The following NOS1 variants were observed in gnomAD, a reference collection of about 807,000 sequenced individuals.
The protein encoded by NOS1 is nitric oxide synthase 1.
Under a neutral mutation model 164.5 loss-of-function variants are expected in NOS1, and 51 were observed. That is an observed-to-expected ratio of 0.31 (90% CI 0.25 to 0.39). The LOEUF (loss-of-function observed/expected upper bound fraction) is 0.39. Ranked by LOEUF, NOS1 falls within the 10% of genes least tolerant of loss-of-function variation. NOS1 has a pLI of 1.00. For missense variants in NOS1, 1,362 were observed against 1,885.6 expected (o/e 0.72, Z 5.14); for synonymous variants, 719 against 745.8 (o/e 0.96, Z 0.59).
intron 11 of NOS1, among the ~76,000 whole-genome samples, chr12:117,267,028 T>G (rs907065891): frequency 6.6e-6 from 1 of 152,126 alleles, no homozygotes; most frequent in East Asian, 1.9e-4. Context: ...GTGCACCCAC[T>G]CCATCCACAT....
intron 11 of NOS1, 83 bp from the exon 12 acceptor site, chr12:117,265,593 C>T (rs1592967009): frequency 1.9e-6 from 2 of 1,070,294 alleles, no homozygotes; most frequent in East Asian, 2.8e-5. Context: ...AGCAGCATTT[C>T]CCAAAGGGTG....
intron 10 of NOS1, among the ~76,000 whole-genome samples, chr12:117,269,972 C>A (rs372365636): frequency 1.3e-5 from 2 of 152,182 alleles, no homozygotes; most frequent in Non-Finnish European, 2.9e-5. Flanking sequence ...ACTTGTCCAA[C>A]GTCCACAGAA....
At position 117,212,513 on chromosome 12, in the gene NOS1, T is replaced by C. The variant is rs568849578; in HGVS notation, c.*2796A>G. ...CACGACACAAGCTGTGGGAACTGGATGCATAGTGATGGCAGGTGAGCATGA... is the reference window on the plus strand; with the variant it reads ...CACGACACAAGCTGTGGGAACTGGACGCATAGTGATGGCAGGTGAGCATGA... On this transcript the variant is annotated 3_prime_UTR_variant, in exon 29 of 29. Transcript: ENST00000317775. The C allele has an allele frequency of 1.8e-5, 18 of 985,420 alleles. No homozygotes were observed. In the Admixed American group the frequency reaches 2.5e-4, roughly 13 times the overall value. 61.0% of individuals were successfully genotyped at this position (985,420 alleles called of 1,614,324 possible). A position where few individuals can be genotyped will look rare whatever the true frequency, so the allele number is the denominator to read the frequency against.
intron 17 of NOS1, among the ~76,000 whole-genome samples, chr12:117,247,966 GA>G (rs914082193): frequency 6.9e-6 from 1 of 145,972 alleles, no homozygotes; most frequent in Non-Finnish European, 1.5e-5. Flanking sequence ...AAAAAGAAAA[GA>G]AAAAGAAAAG....
At chr12:117,303,288 A>G (rs1053877384) in intron 3 of NOS1, among the ~76,000 whole-genome samples, 1 of 152,186 alleles carries the variant, frequency 6.6e-6, no homozygotes, top group Non-Finnish European at 1.5e-5. Context: ...ACGGCCCGCA[A>G]GCCTGTCCCC....
chr12:117,351,495 A>T (rs189210076), intron 1 of NOS1, among the ~76,000 whole-genome samples: 1 of 152,284 alleles, frequency 6.6e-6, no homozygotes, highest in Admixed American at 6.5e-5. Flanking sequence ...AATTACTTGG[A>T]AATCCCAGCT....
intron 3 of NOS1, among the ~76,000 whole-genome samples, chr12:117,299,678 C>G (rs1431916812): frequency 4.0e-5 from 2 of 49,920 alleles, no homozygotes; most frequent in Non-Finnish European, 9.4e-5. Context: ...ATTGCTTACT[C>G]TGCCTCTCTC....
chr12:117,257,176 T>A (rs546505645), intron 16 of NOS1, among the ~76,000 whole-genome samples: 1 of 152,262 alleles, frequency 6.6e-6, no homozygotes, highest in East Asian at 1.9e-4. Flanking sequence ...CTCAAGCCCC[T>A]GAGCTCAAGT....
In NOS1 at chr12:117,210,138, AAT is replaced by A. The variant is rs1491575877; in HGVS notation, c.*5169_*5170del. On this transcript the variant is annotated 3_prime_UTR_variant, in exon 29 of 29. Coordinates refer to ENST00000317775, the MANE Select transcript of NOS1 (RefSeq NM_000620.5). ...CAGGAGCATGCCATCATGCCCAGCTAATTTTTTTTTTTTTTTTTTTTTAGTAG... is the reference window on the plus strand; with the variant it reads ...CAGGAGCATGCCATCATGCCCAGCTATTTTTTTTTTTTTTTTTTTTAGTAG... 1.3e-5 allele frequency: 5 copies of A among 374,830 alleles called. No individual in the cohort carries two copies. Among genetic ancestry groups the A allele is most frequent in the Non-Finnish European group, 1.7e-5 (5 of 295,812 alleles). 23.2% of individuals were successfully genotyped at this position (374,830 alleles called of 1,614,324 possible). A position where few individuals can be genotyped will look rare whatever the true frequency, so the allele number is the denominator to read the frequency against.
rs9658531 is a variant in NOS1 at position 117,220,743 on chromosome 12, G to A, written c.3976-474C>T. Among the ~76,000 whole-genome samples the A allele has an allele frequency of 2.8e-3, 426 of 152,264 alleles. 5 individuals are homozygous for A. Among genetic ancestry groups the A allele is most frequent in the African/African-American group, 9.9e-3 (412 of 41,550 alleles). The stretch of plus-strand genomic sequence containing the variant: ...ATGGGGGTGAGGTGAGGGGCTGCCA[G>A]CTTCCACCTCTGCAAAGCCGGCTGC... On this transcript the variant is annotated intron_variant, in intron 26 of 28. Coordinates refer to ENST00000317775, the MANE Select transcript of NOS1 (RefSeq NM_000620.5).
chr12:117,342,184 C>A (rs552735706), intron 1 of NOS1, among the ~76,000 whole-genome samples: 16 of 152,200 alleles, frequency 1.1e-4, no homozygotes, highest in Admixed American at 4.6e-4. Flanking sequence ...TCATGCCAAC[C>A]ATTCATTTGC....
At chr12:117,219,010 G>A (rs1328558828) in intron 27 of NOS1, among the ~76,000 whole-genome samples, 27 of 146,672 alleles carry the variant, frequency 1.8e-4, no homozygotes, top group Non-Finnish European at 3.6e-4. Context: ...ACAGAGTCTC[G>A]CTCTGTCACC....
rs546709682 is a variant in NOS1 at position 117,218,809 on chromosome 12, C to T, written c.4171-645G>A. Among the ~76,000 whole-genome samples, 44 of 152,058 alleles carry T rather than the reference C, an allele frequency of 2.9e-4. 1 individual carries two copies. Among genetic ancestry groups the T allele is most frequent in the Admixed American group, 9.8e-4 (15 of 15,268 alleles). The stretch of plus-strand genomic sequence containing the variant: ...TACCAAGCTATGGGAGCTCCTGTGG[C>T]GGGCAGTCAATATTCTCAAAGGGCA... On this transcript the variant is annotated intron_variant, in intron 27 of 28. Coordinates refer to ENST00000317775, the MANE Select transcript of NOS1 (RefSeq NM_000620.5).
intron 16 of NOS1, chr12:117,255,866 G>T: frequency 1.1e-6 from 1 of 901,916 alleles, no homozygotes; most frequent in Non-Finnish European, 1.6e-6. Context: ...GTGTGGCCTG[G>T]GATGCTCAGG....
intron 1 of NOS1, among the ~76,000 whole-genome samples, chr12:117,344,285 A>G (rs952202787): frequency 1.3e-5 from 2 of 152,258 alleles, no homozygotes; most frequent in African/African-American, 2.4e-5. Flanking sequence ...TAAGCATGAA[A>G]TAAGTATTTG....
chr12:117,246,839 T>A (rs545656533), intron 18 of NOS1, among the ~76,000 whole-genome samples: 1 of 152,212 alleles, frequency 6.6e-6, no homozygotes, highest in Admixed American at 6.5e-5. Context: ...GAATATTCCA[T>A]TGCATTGATG....
chr12:117,242,478 C>T (rs945823617), intron 20 of NOS1, 149 bp downstream of exon 20: 2 of 673,414 alleles, frequency 3.0e-6, no homozygotes, highest in Admixed American at 2.4e-5. Context: ...AGCAGGAACC[C>T]CAGACACTAT....
intron 26 of NOS1, among the ~76,000 whole-genome samples, chr12:117,221,036 G>A (rs538704295): frequency 6.6e-6 from 1 of 152,124 alleles, no homozygotes; most frequent in South Asian, 2.1e-4. Flanking sequence ...CCTTCCCTGG[G>A]ACCCCCAGAC....
intron 18 of NOS1, among the ~76,000 whole-genome samples, chr12:117,244,458 C>T (rs537410731): frequency 2.6e-5 from 4 of 152,296 alleles, no homozygotes; most frequent in East Asian, 1.9e-4. Context: ...AGGCTGGTTT[C>T]GAGCTTCTGG....
Sources: gnomAD v4.1 joint callset for allele counts (sites outside exome capture counted in the v4.1 genomes callset) on GRCh38, gnomAD v4.1.1 for gene constraint, MANE v1.5 for transcripts, NCBI Gene and HGNC (gene_info 2026-07-23, HGNC 2026-07-21) for gene names.